CCNH: variants seen among roughly 807,000 people sequenced by gnomAD.
The protein encoded by CCNH is cyclin-H.
Under a neutral mutation model 41.9 loss-of-function variants are expected in CCNH, and 31 were observed. The observed-to-expected ratio is 0.74, with a 90% CI of 0.56 to 1.00. The LOEUF (loss-of-function observed/expected upper bound fraction) is 1.00. Among genes scored for constraint, CCNH ranks in the 50% least tolerant of loss-of-function variants. The probability of loss-of-function intolerance (pLI) is 0.00; values close to 1 mark genes in which losing one functional copy is unlikely to be tolerated. For missense variants in CCNH, 362 were observed against 388.4 expected, an observed-to-expected ratio of 0.93 and a Z score of 0.57; for synonymous variants, 138 against 136.1, an observed-to-expected ratio of 1.01 and a Z score of -0.10.
At chr5:87,335,427 T>TG (rs1308775990) in intron 9 of CCNH, among the ~76,000 whole-genome samples, 2 of 142,506 alleles carry the variant, frequency 1.4e-5, no homozygotes, top group Non-Finnish European at 1.5e-5. Context: ...AGGTTTTTTT[T>TG]TTTTTTTTTT....
intron 9 of CCNH, among the ~76,000 whole-genome samples, chr5:87,352,575 AT>A (rs1759353639): frequency 2.0e-5 from 3 of 151,742 alleles, no homozygotes; most frequent in Admixed American, 6.6e-5. Flanking sequence ...TTTTCCCAAT[AT>A]TTCCCAATTT....
chr5:87,335,673 G>A (rs937904484), intron 9 of CCNH, among the ~76,000 whole-genome samples: 7 of 152,004 alleles, frequency 4.6e-5, no homozygotes, highest in Admixed American at 1.3e-4. Context: ...TGATCTGCCC[G>A]CCTTGGCCTC....
downstream of CCNH, among the ~76,000 whole-genome samples, chr5:87,388,166 A>G (rs1762197127): frequency 6.6e-6 from 1 of 152,192 alleles, no homozygotes; most frequent in Non-Finnish European, 1.5e-5. Flanking sequence ...AGTCCTTTCT[A>G]CTGGAGTCAG....
downstream of CCNH, among the ~76,000 whole-genome samples, chr5:87,375,117 A>G (rs1269372504): frequency 6.6e-6 from 1 of 152,230 alleles, no homozygotes; most frequent in Non-Finnish European, 1.5e-5. Context: ...ATATGGTTCA[A>G]CTGTACACAC....
intron 9 of CCNH, among the ~76,000 whole-genome samples, chr5:87,327,961 C>A (rs1325383712): frequency 6.7e-6 from 1 of 148,452 alleles, no homozygotes. Flanking sequence ...AGCAAGACTC[C>A]GTTTCCCAAA....
In CCNH at chr5:87,338,531, A is replaced by T. The variant is rs1408829850; in HGVS notation, c.*91-19634T>A. Among the ~76,000 whole-genome samples the T allele has an allele frequency of 4.9e-3, 397 of 81,016 alleles. 25 individuals are homozygous for T. The highest frequency in any genetic ancestry group is 0.017 in the African/African-American group (327 of 19,164). 53.1% of individuals were successfully genotyped at this position (81,016 alleles called of 152,430 possible). A position where few individuals can be genotyped will look rare whatever the true frequency, so the allele number is the denominator to read the frequency against. Reference sequence around the variant, plus strand: ...TATATATATATATATATATATATATATAAAATTTTTTTTTTTTTTAAGTAG... The same window carrying T: ...TATATATATATATATATATATATATTTAAAATTTTTTTTTTTTTTAAGTAG... On this transcript the variant is annotated intron_variant and NMD_transcript_variant, in intron 9 of 9. Coordinates refer to the CCNH transcript ENST00000645953.
Position 87,394,366 on chromosome 5 carries a change from A to G in CCNH, c.*80T>C. The G allele has an allele frequency of 6.5e-7, 1 of 1,544,250 alleles. No individual in the cohort carries two copies. The highest frequency in any genetic ancestry group is 8.7e-7 in the Non-Finnish European group (1 of 1,143,886). On this transcript the variant is annotated 3_prime_UTR_variant, in exon 9 of 9. Transcript: ENST00000256897. ...AATATATTTTATGTTTTCACATTATACTTTTTAAATAAAGTTAAACGTTTG... is the reference window on the plus strand; with the variant it reads ...AATATATTTTATGTTTTCACATTATGCTTTTTAAATAAAGTTAAACGTTTG...
chr5:87,360,985 A>T (rs1211223155), intron 9 of CCNH, among the ~76,000 whole-genome samples: 1 of 152,232 alleles, frequency 6.6e-6, no homozygotes, highest in Admixed American at 6.5e-5. Flanking sequence ...TTATGTTTTT[A>T]CAAAAGATGC....
At chr5:87,359,886 G>C (rs1293543307) in intron 9 of CCNH, among the ~76,000 whole-genome samples, 1 of 152,174 alleles carries the variant, frequency 6.6e-6, no homozygotes, top group Non-Finnish European at 1.5e-5. Flanking sequence ...TTACGTACCT[G>C]AAATGGACAG....
chr5:87,407,262 G>A (rs1763863792), intron 4 of CCNH, among the ~76,000 whole-genome samples: 1 of 152,070 alleles, frequency 6.6e-6, no homozygotes, highest in Non-Finnish European at 1.5e-5. Flanking sequence ...TGAGCACACT[G>A]GATATATGAT....
intron 9 of CCNH, chr5:87,346,635 G>T (rs1454920264): frequency 1.5e-6 from 2 of 1,346,896 alleles, no homozygotes; most frequent in East Asian, 2.4e-5. Context: ...CAGCAAAAAG[G>T]ACTTTATTTA....
chr5:87,329,799 T>C (rs1485843149), intron 9 of CCNH, among the ~76,000 whole-genome samples: 1 of 152,210 alleles, frequency 6.6e-6, no homozygotes, highest in African/African-American at 2.4e-5. Context: ...AACCTAAGGA[T>C]ATCCCATATA....
At chr5:87,387,779 C>T (rs1032617257), downstream of CCNH, among the ~76,000 whole-genome samples, 10 of 152,116 alleles carry the variant, frequency 6.6e-5, no homozygotes, top group Non-Finnish European at 1.5e-4. Context: ...GGCATAGCTC[C>T]ATATTTATAG....
At chr5:87,390,382 C>T (rs1237635105), downstream of CCNH, among the ~76,000 whole-genome samples, 1 of 152,158 alleles carries the variant, frequency 6.6e-6, no homozygotes, top group Non-Finnish European at 1.5e-5. Flanking sequence ...ACTGAGTTCT[C>T]TACAACCTGA....
At chr5:87,411,901 T>A (rs531441399) in intron 1 of CCNH, among the ~76,000 whole-genome samples, 1 of 152,246 alleles carries the variant, frequency 6.6e-6, no homozygotes, top group South Asian at 2.1e-4. Context: ...TATCGGTAAT[T>A]TGGAGGCACT....
At chr5:87,330,911 G>T in intron 9 of CCNH, 1 of 1,353,698 alleles carries the variant, frequency 7.4e-7, no homozygotes, top group Non-Finnish European at 9.6e-7. Flanking sequence ...ACACTAAAAT[G>T]GAATAAAACA....
At chr5:87,390,826 A>G, downstream of CCNH, 1 of 1,613,472 alleles carries the variant, frequency 6.2e-7, no homozygotes, top group Non-Finnish European at 8.5e-7. Context: ...TTCTGGCTAT[A>G]ACAGAACTGC....
chr5:87,325,663 AG>A (rs1757177057), intron 9 of CCNH, among the ~76,000 whole-genome samples: 1 of 152,224 alleles, frequency 6.6e-6, no homozygotes. Context: ...GGAAAAACCA[AG>A]TGGAAAGTAA....
downstream of CCNH, chr5:87,376,157 A>G (rs986132098): frequency 4.8e-5 from 27 of 556,996 alleles, no homozygotes; most frequent in Middle Eastern, 4.9e-4. Context: ...ACTGACCTCT[A>G]TGCAACTCAA....
Sources: gnomAD v4.1 joint callset for allele counts (sites outside exome capture counted in the v4.1 genomes callset) on GRCh38, gnomAD v4.1.1 for gene constraint, MANE v1.5 for transcripts, NCBI Gene and HGNC (gene_info 2026-07-23, HGNC 2026-07-21) for gene names.